The following PDE6B variants were observed in gnomAD, a reference collection of about 807,000 sequenced individuals.
PDE6B encodes the protein rod cGMP-specific 3',5'-cyclic phosphodiesterase subunit beta.
In PDE6B, 106 loss-of-function variants were observed where a neutral mutation model predicts 109.0. The observed-to-expected ratio is 0.97, with a 90% confidence interval of 0.83 to 1.14. PDE6B has a LOEUF of 1.14. Among genes scored for constraint, PDE6B ranks in the 50% most tolerant of loss-of-function variants. The probability of loss-of-function intolerance (pLI) is 0.00; values close to 1 mark genes in which losing one functional copy is unlikely to be tolerated. For synonymous variants in PDE6B, 490 were observed against 471.3 expected (o/e 1.04, Z -0.51); for missense variants, 1,193 against 1,155.6 (o/e 1.03, Z -0.47).
chr4:663,225 G>A lies in PDE6B; in HGVS notation c.1920+38G>A, dbSNP rs746714791. ...ACCCTCGGTTTCTGCTGTGGGCGCT[G>A]GGGACGCAGCGTCCGCAGGACGGCA... On this transcript the variant is annotated intron_variant, in intron 15 of 21. Coordinates refer to ENST00000496514, the MANE Select transcript of PDE6B (RefSeq NM_000283.4). The surrounding 1 kb of genome is among the most constrained non-coding windows in gnomAD (Gnocchi z 4.0). The A allele has an allele frequency of 2.6e-6, 3 of 1,171,084 alleles. No individual in the cohort carries two copies. Among genetic ancestry groups the A allele is most frequent in the South Asian group, 2.4e-5 (2 of 82,316 alleles). 72.5% of individuals were successfully genotyped at this position (1,171,084 alleles called of 1,614,324 possible).
intron 1 of PDE6B, among the ~76,000 whole-genome samples, chr4:628,004 GC>G (rs927762117): frequency 6.6e-6 from 1 of 152,042 alleles, no homozygotes; most frequent in African/African-American, 2.4e-5. Context: ...GGCCGCACCT[GC>G]CCCAGGACTG....
At position 648,528 on chromosome 4, in the gene PDE6B, C is replaced by G. The variant is rs1027884208; in HGVS notation, c.712-5324C>G. On this transcript the variant is annotated intron_variant, in intron 3 of 21. Coordinates refer to ENST00000496514, the MANE Select transcript of PDE6B (RefSeq NM_000283.4). This position sits in a 1 kb window ranked among gnomAD's most constrained non-coding sequence, Gnocchi z 4.5. Reference sequence around the variant, plus strand: ...AAGCAGCCTCTGGGCGCTCCCCCCTCCCTCTGTCCCGGGCCCTCACCTGGA... The same window carrying G: ...AAGCAGCCTCTGGGCGCTCCCCCCTGCCTCTGTCCCGGGCCCTCACCTGGA... 6.6e-6 allele frequency among the ~76,000 whole-genome samples: 1 copy of G among 152,232 alleles called. No homozygotes were observed. The highest frequency in any genetic ancestry group is 1.5e-5 in the Non-Finnish European group (1 of 68,034).
chr4:658,290 TCGTCCAGGGGTCACAGGTGTGC>T, intron 10 of PDE6B, among the ~76,000 whole-genome samples: 1 of 118,048 alleles, frequency 8.5e-6, no homozygotes, highest in Non-Finnish European at 1.7e-5. Flanking sequence ...CGGGGGCAGG[TCGTCCAGGGGTCACAGGTGTGC>T]GGGGCAGGTC....
intron 17 of PDE6B, 78 bp downstream of exon 17, chr4:664,299 A>G: frequency 1.2e-6 from 1 of 826,698 alleles, no homozygotes; most frequent in East Asian, 2.5e-5. Flanking sequence ...TTAACCCTGC[A>G]GCCCTCCCCA....
At position 659,025 on chromosome 4, in the gene PDE6B, C is replaced by A. The variant is rs1396944035; in HGVS notation, c.1467+8C>A. ...GAGCTGGGCGAAATCCTGGTAAGAA[C>A]CTTGCTCCCGTCCCTCCCATGGAGG... On this transcript the variant is annotated splice_region_variant and intron_variant, in intron 11 of 21. Coordinates refer to ENST00000496514, the MANE Select transcript of PDE6B (RefSeq NM_000283.4). 2 of 1,610,620 alleles carry A rather than the reference C, an allele frequency of 1.2e-6. No individual in the cohort carries two copies. Among genetic ancestry groups the A allele is most frequent in the Non-Finnish European group, 1.7e-6 (2 of 1,177,232 alleles).
rs1255746711 is a variant in PDE6B at position 654,642 on chromosome 4, C to T, written c.928-182C>T. 23 of 683,948 alleles carry T rather than the reference C, an allele frequency of 3.4e-5. 1 individual carries two copies. Among genetic ancestry groups the T allele is most frequent in the Admixed American group, 1.8e-4 (9 of 49,890 alleles). The allele number at this position is 683,948 out of a possible 1,614,324, so 42.4% of individuals were successfully genotyped here. On this transcript the variant is annotated intron_variant, in intron 5 of 21. Coordinates refer to ENST00000496514, the MANE Select transcript of PDE6B (RefSeq NM_000283.4). ...GTGTGGACATGGGTGTGAGTGCACCCGCATTCGTAGAATACCTGCGCACGG... is the reference window on the plus strand; with the variant it reads ...GTGTGGACATGGGTGTGAGTGCACCTGCATTCGTAGAATACCTGCGCACGG...
intron 3 of PDE6B, among the ~76,000 whole-genome samples, chr4:639,068 A>C (rs1375550302): frequency 2.0e-5 from 3 of 152,088 alleles, no homozygotes; most frequent in Non-Finnish European, 4.4e-5. Context: ...GATAGGAAAC[A>C]CGTGCAAAGA....
Position 648,910 on chromosome 4 carries a change from C to G in PDE6B, c.712-4942C>G, listed in dbSNP as rs1048920045. On this transcript the variant is annotated intron_variant, in intron 3 of 21. Coordinates refer to ENST00000496514, the MANE Select transcript of PDE6B (RefSeq NM_000283.4). This position sits in a 1 kb window ranked among gnomAD's most constrained non-coding sequence, Gnocchi z 4.5. Reference sequence around the variant, plus strand: ...GTCAGGCATGGGAGGAGCGGGGGAGCCTTCTGTCTCTGCAGGTCTGACTCC... The same window carrying G: ...GTCAGGCATGGGAGGAGCGGGGGAGGCTTCTGTCTCTGCAGGTCTGACTCC... 2.0e-5 allele frequency among the ~76,000 whole-genome samples: 3 copies of G among 152,234 alleles called. No homozygotes were observed. The highest frequency in any genetic ancestry group is 4.4e-5 in the Non-Finnish European group (3 of 68,040).
chr4:633,343 T>A lies in PDE6B; in HGVS notation c.469-1334T>A, dbSNP rs1734483837. Among the ~76,000 whole-genome samples, 1 of 152,222 alleles carries A rather than the reference T, an allele frequency of 6.6e-6. No homozygotes were observed. Among genetic ancestry groups the A allele is most frequent in the Admixed American group, 6.5e-5 (1 of 15,290 alleles). Reference sequence around the variant, plus strand: ...CTCCACCATCTTTTAAATGCTGGTTTTCCTTCAATGCCAGCCCACATGGCT... The same window carrying A: ...CTCCACCATCTTTTAAATGCTGGTTATCCTTCAATGCCAGCCCACATGGCT... On this transcript the variant is annotated intron_variant, in intron 1 of 21. Transcript: ENST00000496514. The surrounding 1 kb of genome is among the most constrained non-coding windows in gnomAD (Gnocchi z 4.5).
chr4:644,932 G>T (rs1026453255), intron 3 of PDE6B, among the ~76,000 whole-genome samples: 7 of 152,056 alleles, frequency 4.6e-5, no homozygotes, highest in Non-Finnish European at 7.3e-5. Flanking sequence ...TGGAGGATGC[G>T]TCTCTCCTTA....
chr4:658,057 C>A (rs1286669612), intron 10 of PDE6B, among the ~76,000 whole-genome samples: 1 of 102,808 alleles, frequency 9.7e-6, no homozygotes, highest in African/African-American at 4.1e-5. Context: ...GTGGTGGGGG[C>A]AGGTCGTCCA....
In PDE6B at chr4:663,825, T is replaced by A; in HGVS notation, c.1976T>A (p.Leu659Gln). 1 of 1,612,568 alleles carries A rather than the reference T, an allele frequency of 6.2e-7. No individual in the cohort carries two copies. Among genetic ancestry groups the A allele is most frequent in the Non-Finnish European group, 8.5e-7 (1 of 1,179,558 alleles). The change falls in exon 16 of 22, where the codon CTG (leucine) becomes CAG (glutamine). Residue 659 changes from leucine to glutamine, a missense_variant. Coordinates refer to ENST00000496514, the MANE Select transcript of PDE6B (RefSeq NM_000283.4). This position sits in a 1 kb window ranked among gnomAD's most constrained non-coding sequence, Gnocchi z 4.0. The part of the protein sequence containing the change: ...NRRQHEHVIH[L>Q]MDIAIIATDL... Reference sequence around the variant, plus strand: ...CGGCAGCACGAGCACGTGATCCACCTGATGGACATCGCCATCATCGCCACG... The same window carrying A: ...CGGCAGCACGAGCACGTGATCCACCAGATGGACATCGCCATCATCGCCACG...
intron 5 of PDE6B, chr4:654,390 C>T (rs73792335): frequency 8.8e-4 from 573 of 653,004 alleles, no homozygotes; most frequent in African/African-American, 8.6e-3. Flanking sequence ...TGAAGACCCA[C>T]GTCGGCTCTG....
chr4:664,266 G>T, intron 17 of PDE6B, 45 bp downstream of exon 17: 1 of 1,069,616 alleles, frequency 9.3e-7, no homozygotes, highest in Non-Finnish European at 1.5e-6. Context: ...CCCTCGCAGG[G>T]ACCGGGCCCA....
At chr4:654,614 C>T (rs1175348929) in intron 5 of PDE6B, 2 of 650,380 alleles carry the variant, frequency 3.1e-6, no homozygotes, top group Non-Finnish European at 5.6e-6. Flanking sequence ...TGAGCCTGTG[C>T]ATGTGTGGAC....
At chr4:631,207 G>T (rs1157603265) in intron 1 of PDE6B, among the ~76,000 whole-genome samples, 1 of 152,252 alleles carries the variant, frequency 6.6e-6, no homozygotes, top group South Asian at 2.1e-4. Flanking sequence ...AGGCAGGAAG[G>T]CTCTGTGGCT....
chr4:635,776 G>A, intron 2 of PDE6B, 104 bp from the exon 3 acceptor site: 1 of 735,444 alleles, frequency 1.4e-6, no homozygotes, highest in Non-Finnish European at 2.5e-6. Context: ...TTCCTGGCGT[G>A]TCTGGGCACC....
intron 1 of PDE6B, among the ~76,000 whole-genome samples, chr4:632,432 C>T (rs9999833): frequency 0.024 from 3,567 of 151,384 alleles, 141 homozygotes; most frequent in African/African-American, 0.083. Flanking sequence ...TTGTGGGGAT[C>T]TGTGTGGTGC....
At chr4:654,365 C>A in intron 5 of PDE6B, 3 of 677,402 alleles carry the variant, frequency 4.4e-6, no homozygotes, top group Non-Finnish European at 5.4e-6. Flanking sequence ...TGAATGAGGG[C>A]CGCCAGGCTG....
Sources: allele counts gnomAD v4.1 joint callset (sites outside exome capture counted in the v4.1 genomes callset), GRCh38; gene constraint gnomAD v4.1.1; non-coding constraint Gnocchi (gnomAD v3.1); transcripts MANE v1.5; gene names NCBI Gene and HGNC (gene_info 2026-07-23, HGNC 2026-07-21).